AIG1: variants seen among roughly 807,000 people sequenced by gnomAD.
AIG1 encodes androgen induced 1.
In AIG1, 23 loss-of-function variants were observed where a neutral mutation model predicts 31.4. The ratio of observed to expected loss-of-function variants is 0.73; its 90% CI spans 0.53 to 1.04. The LOEUF (loss-of-function observed/expected upper bound fraction) is 1.04. AIG1 is among the 50% of genes least tolerant of loss of function. The probability of loss-of-function intolerance (pLI) is 0.00; values close to 1 mark genes in which losing one functional copy is unlikely to be tolerated. For synonymous variants in AIG1, 100 were observed against 110.5 expected, an observed-to-expected ratio of 0.90 and a Z score of 0.60; for missense variants, 274 against 295.0, an observed-to-expected ratio of 0.93 and a Z score of 0.52.
intron 4 of AIG1, among the ~76,000 whole-genome samples, chr6:143,285,620 C>T (rs866933198): frequency 7.9e-5 from 12 of 151,882 alleles, no homozygotes; most frequent in East Asian, 2.0e-4. Context: ...GCCGAGATCA[C>T]GCAACTGCAC....
intron 3 of AIG1, among the ~76,000 whole-genome samples, chr6:143,224,163 G>A (rs911869623): frequency 1.3e-4 from 20 of 152,200 alleles, no homozygotes; most frequent in African/African-American, 4.8e-4. Flanking sequence ...TCTGTAACTA[G>A]AGGGTGATTT....
intron 3 of AIG1, among the ~76,000 whole-genome samples, chr6:143,210,722 A>G (rs1791518625): frequency 6.6e-6 from 1 of 152,228 alleles, no homozygotes; most frequent in Admixed American, 6.5e-5. Context: ...GTCAGGAGAC[A>G]ATAAAAAATG....
chr6:143,197,480 T>C (rs1241402837), intron 3 of AIG1, among the ~76,000 whole-genome samples: 2 of 152,218 alleles, frequency 1.3e-5, no homozygotes, highest in Non-Finnish European at 2.9e-5. Context: ...TTAACTTATC[T>C]CTCAGGCCAA....
intron 3 of AIG1, among the ~76,000 whole-genome samples, chr6:143,207,582 C>T (rs1303683151): frequency 6.6e-6 from 1 of 151,964 alleles, no homozygotes; most frequent in African/African-American, 2.4e-5. Flanking sequence ...AATACAGTGT[C>T]ATCAGCTATA....
intron 4 of AIG1, among the ~76,000 whole-genome samples, chr6:143,314,129 G>T (rs1422492636): frequency 5.5e-5 from 8 of 145,016 alleles, no homozygotes; most frequent in African/African-American, 2.0e-4. Context: ...CTGCAGGATT[G>T]CTTGAGGCCA....
At chr6:143,302,404 G>C (rs532664619) in intron 4 of AIG1, among the ~76,000 whole-genome samples, 1 of 151,014 alleles carries the variant, frequency 6.6e-6, no homozygotes, top group Non-Finnish European at 1.5e-5. Flanking sequence ...TCCTCAGAGT[G>C]TGACATTCCC....
At chr6:143,253,590 A>G (rs914168752) in intron 3 of AIG1, among the ~76,000 whole-genome samples, 5 of 152,228 alleles carry the variant, frequency 3.3e-5, no homozygotes, top group African/African-American at 9.6e-5. Flanking sequence ...TTATTCCTAA[A>G]CAAAATATGT....
intron 1 of AIG1, among the ~76,000 whole-genome samples, chr6:143,119,991 A>G (rs1311743682): frequency 1.3e-5 from 2 of 152,128 alleles, no homozygotes; most frequent in African/African-American, 4.8e-5. Flanking sequence ...GTGCAATGGC[A>G]TGATCTTGGC....
At chr6:143,164,659 T>C (rs1342785101) in intron 2 of AIG1, among the ~76,000 whole-genome samples, 2 of 152,160 alleles carry the variant, frequency 1.3e-5, no homozygotes, top group Non-Finnish European at 2.9e-5. Flanking sequence ...AACCACATGA[T>C]GGGTTCAAGG....
chr6:143,212,112 C>T (rs1791641058), intron 3 of AIG1, among the ~76,000 whole-genome samples: 1 of 152,066 alleles, frequency 6.6e-6, no homozygotes, highest in African/African-American at 2.4e-5. Flanking sequence ...CCAGTAACAA[C>T]CCCTCTTTCT....
chr6:143,109,905 A>G (rs976148888), intron 1 of AIG1, among the ~76,000 whole-genome samples: 3 of 152,274 alleles, frequency 2.0e-5, no homozygotes, highest in East Asian at 1.9e-4. Context: ...AATCCATTCT[A>G]TTATTGCATT....
intron 4 of AIG1, among the ~76,000 whole-genome samples, chr6:143,332,925 A>G (rs1465078760): frequency 1.3e-5 from 2 of 152,222 alleles, no homozygotes; most frequent in Non-Finnish European, 2.9e-5. Context: ...GAACAGAGAA[A>G]GGACATTCAC....
intron 1 of AIG1, among the ~76,000 whole-genome samples, chr6:143,089,678 G>GT (rs1562363947): frequency 6.6e-6 from 1 of 152,190 alleles, no homozygotes; most frequent in Non-Finnish European, 1.5e-5. Flanking sequence ...ATGGTGAAAT[G>GT]TAACGGGGAG....
intron 2 of AIG1, among the ~76,000 whole-genome samples, chr6:143,155,153 A>G (rs1785619363): frequency 6.6e-6 from 1 of 151,978 alleles, no homozygotes. Context: ...GCCACTCAAA[A>G]TAGTTTAAAA....
chr6:143,270,867 G>A (rs1337075302), intron 3 of AIG1, among the ~76,000 whole-genome samples: 3 of 152,160 alleles, frequency 2.0e-5, no homozygotes, highest in Admixed American at 1.3e-4. Context: ...GAGTGTGTGT[G>A]TTTGCATGTG....
intron 2 of AIG1, among the ~76,000 whole-genome samples, chr6:143,159,401 A>G (rs1349571736): frequency 6.6e-6 from 1 of 152,232 alleles, no homozygotes; most frequent in Non-Finnish European, 1.5e-5. Flanking sequence ...AAATATGGAT[A>G]AATTATAAAT....
intron 1 of AIG1, among the ~76,000 whole-genome samples, chr6:143,067,855 A>T (rs1272820987): frequency 6.6e-6 from 1 of 152,112 alleles, no homozygotes. Context: ...AGAGTGTAAA[A>T]TTGCAATTTT....
chr6:143,176,087 A>G (rs1370541102), intron 3 of AIG1, among the ~76,000 whole-genome samples: 1 of 152,170 alleles, frequency 6.6e-6, no homozygotes, highest in Non-Finnish European at 1.5e-5. Flanking sequence ...TTCTGGATCT[A>G]GCCACCCAGT....
chr6:143,188,535 C>T (rs1318946080), intron 3 of AIG1: 2 of 985,262 alleles, frequency 2.0e-6, no homozygotes, highest in Non-Finnish European at 2.4e-6. Context: ...AAGGCTGAGA[C>T]AGTCCAAGTT....
Sources: gnomAD v4.1 joint callset for allele counts (sites outside exome capture counted in the v4.1 genomes callset) on GRCh38, gnomAD v4.1.1 for gene constraint, MANE v1.5 for transcripts, NCBI Gene and HGNC (gene_info 2026-07-23, HGNC 2026-07-21) for gene names.